Variants in DOCK4 observed in about 807,000 individuals in gnomAD.
DOCK4 encodes dedicator of cytokinesis protein 4.
A neutral mutation model predicts 268.1 loss-of-function variants in DOCK4; 97 were observed. The ratio of observed to expected loss-of-function variants is 0.36; its 90% CI spans 0.31 to 0.43. The LOEUF (loss-of-function observed/expected upper bound fraction) is 0.43. Ranked by LOEUF, DOCK4 falls within the 20% of genes least tolerant of loss-of-function variation. DOCK4 has a pLI of 1.00. For synonymous variants in DOCK4, 954 were observed against 887.2 expected, an observed-to-expected ratio of 1.08 and a Z score of -1.34; for missense variants, 2,145 against 2,455.7, an observed-to-expected ratio of 0.87 and a Z score of 2.67.
At chr7:111,847,739 A>G (rs1439679957) in intron 23 of DOCK4, among the ~76,000 whole-genome samples, 1 of 152,108 alleles carries the variant, frequency 6.6e-6, no homozygotes, top group Non-Finnish European at 1.5e-5. Context: ...TTCCGCCATG[A>G]TTGTGAGGCC....
intron 1 of DOCK4, among the ~76,000 whole-genome samples, chr7:112,070,657 G>A (rs991204539): frequency 6.6e-6 from 1 of 151,790 alleles, no homozygotes; most frequent in Non-Finnish European, 1.5e-5. Flanking sequence ...TTGTTTTGGT[G>A]ATAAAGTTTT....
intron 1 of DOCK4, among the ~76,000 whole-genome samples, chr7:112,180,875 C>T (rs1017513354): frequency 2.6e-5 from 4 of 152,150 alleles, no homozygotes; most frequent in African/African-American, 7.2e-5. Context: ...GTTGGTGACA[C>T]GGCAGTCATT....
chr7:112,160,752 T>C (rs764775439), intron 1 of DOCK4, among the ~76,000 whole-genome samples: 2 of 152,238 alleles, frequency 1.3e-5, no homozygotes, highest in East Asian at 1.9e-4. Flanking sequence ...TTTAGCTTTC[T>C]ATACACTTAT....
At chr7:111,872,768 G>A (rs1455151283) in intron 17 of DOCK4, among the ~76,000 whole-genome samples, 2 of 152,116 alleles carry the variant, frequency 1.3e-5, no homozygotes, top group Non-Finnish European at 2.9e-5. Context: ...CACTGCTCTT[G>A]ACTTACAAAC....
chr7:111,867,417 G>A (rs1434458740), intron 22 of DOCK4, among the ~76,000 whole-genome samples: 1 of 152,132 alleles, frequency 6.6e-6, no homozygotes, highest in Admixed American at 6.5e-5. Context: ...CATATTCAAG[G>A]CCATGCTATT....
chr7:112,021,785 C>A (rs139312752), intron 1 of DOCK4, among the ~76,000 whole-genome samples: 1 of 152,088 alleles, frequency 6.6e-6, no homozygotes, highest in Admixed American at 6.6e-5. Context: ...CACAACTATA[C>A]ACAAAAAGGA....
In DOCK4 at chr7:112,012,832, C is replaced by CT. The variant is rs960128052; in HGVS notation, c.38-8702dup. 1.1e-4 allele frequency among the ~76,000 whole-genome samples: 16 copies of CT among 150,708 alleles called. 1 individual carries two copies. The highest frequency in any genetic ancestry group is 9.7e-4 in the East Asian group (5 of 5,144). On this transcript the variant is annotated intron_variant, in intron 1 of 52. Transcript: ENST00000428084. ...AAAGAAATGTTATATCCCTCTGTTC[C>CT]TTTTTTTTTCTGATTTCTCTCTTTG...
chr7:111,767,225 A>ATTTTTTT (rs1797817275), intron 37 of DOCK4, 107 bp from the exon 38 acceptor site: 1 of 779,072 alleles, frequency 1.3e-6, no homozygotes, highest in African/African-American at 2.3e-5. Flanking sequence ...TTACTCCTTA[A>ATTTTTTT]TCTTTTTTTT....
intron 27 of DOCK4, chr7:111,819,654 G>A (rs1023209301): frequency 6.6e-6 from 1 of 152,176 alleles, no homozygotes; most frequent in Non-Finnish European, 1.5e-5. Flanking sequence ...AAAGTTAAAG[G>A]CATTTAATTT....
intron 1 of DOCK4, among the ~76,000 whole-genome samples, chr7:112,189,746 G>GTTTTTTTTTTTT (rs57399750): frequency 3.1e-5 from 3 of 95,776 alleles, no homozygotes; most frequent in Non-Finnish European, 5.7e-5. Flanking sequence ...TCTGGGTTTT[G>GTTTTTTTTTTTT]TTTTTTTTTT....
chr7:111,918,238 G>C lies in DOCK4; in HGVS notation c.1067-2334C>G, dbSNP rs886529755. On this transcript the variant is annotated intron_variant, in intron 12 of 52. Coordinates refer to ENST00000428084, the MANE Select transcript of DOCK4 (RefSeq NM_001363540.2). ...ATCGTGTCCTCACACTTTCCGGTTT[G>C]TGTACCAACAGAATGTCTCCAAGAG... Among the ~76,000 whole-genome samples the C allele has an allele frequency of 5.5e-4, 83 of 152,200 alleles. 1 individual carries two copies. Among genetic ancestry groups the C allele is most frequent in the Admixed American group, 2.8e-3 (43 of 15,280 alleles).
chr7:111,832,693 A>G (rs769840914), intron 26 of DOCK4, among the ~76,000 whole-genome samples: 2 of 152,030 alleles, frequency 1.3e-5, no homozygotes, highest in African/African-American at 4.8e-5. Flanking sequence ...ATGCCCAGCT[A>G]ATTTTTGTAT....
chr7:111,867,362 G>T (rs1377636184), intron 22 of DOCK4, among the ~76,000 whole-genome samples: 1 of 152,054 alleles, frequency 6.6e-6, no homozygotes, highest in Non-Finnish European at 1.5e-5. Context: ...TATACAAGAA[G>T]AATCAAGAAA....
intron 23 of DOCK4, among the ~76,000 whole-genome samples, chr7:111,853,613 T>A (rs1416108104): frequency 6.6e-6 from 1 of 152,132 alleles, no homozygotes. Flanking sequence ...ATGCAGACAA[T>A]GTCAGGATCA....
chr7:112,152,334 T>A (rs537478805), intron 1 of DOCK4, among the ~76,000 whole-genome samples: 1 of 152,304 alleles, frequency 6.6e-6, no homozygotes, highest in African/African-American at 2.4e-5. Context: ...AGACTTAATA[T>A]TCTTGATTTA....
At chr7:111,859,728 C>A (rs1278829715) in intron 23 of DOCK4, among the ~76,000 whole-genome samples, 1 of 151,524 alleles carries the variant, frequency 6.6e-6, no homozygotes, top group East Asian at 1.9e-4. Flanking sequence ...CCACTACGCC[C>A]GGCTAATTTT....
At position 112,206,379 on chromosome 7, in the gene DOCK4, G is replaced by A. The variant is rs938164423; in HGVS notation, c.-241C>T. 1 of 584,106 alleles carries A rather than the reference G, an allele frequency of 1.7e-6. No homozygotes were observed. Among genetic ancestry groups the A allele is most frequent in the Non-Finnish European group, 3.0e-6 (1 of 331,624 alleles). The allele number at this position is 584,106 out of a possible 1,614,324, so 36.2% of individuals were successfully genotyped here. Reference sequence around the variant, plus strand: ...CCGACGCGCTCCCGGGTACCCGGCGGCGCAGTCATTGTTCTGATTCACTGA... The same window carrying A: ...CCGACGCGCTCCCGGGTACCCGGCGACGCAGTCATTGTTCTGATTCACTGA... On this transcript the variant is annotated 5_prime_UTR_variant, in exon 1 of 53. Coordinates refer to ENST00000428084, the MANE Select transcript of DOCK4 (RefSeq NM_001363540.2).
chr7:111,777,308 AT>A (rs1200380085), intron 36 of DOCK4, among the ~76,000 whole-genome samples: 1 of 152,220 alleles, frequency 6.6e-6, no homozygotes, highest in East Asian at 1.9e-4. Context: ...AACTTAGAAG[AT>A]TCTTCACCAC....
chr7:112,154,720 C>T (rs1300405873), intron 1 of DOCK4, among the ~76,000 whole-genome samples: 3 of 152,194 alleles, frequency 2.0e-5, no homozygotes, highest in African/African-American at 7.2e-5. Context: ...AGGGAAGACA[C>T]TTCATGCAGC....
Sources: gnomAD v4.1 joint callset for allele counts (sites outside exome capture counted in the v4.1 genomes callset) on GRCh38, gnomAD v4.1.1 for gene constraint, MANE v1.5 for transcripts, NCBI Gene and HGNC (gene_info 2026-07-23, HGNC 2026-07-21) for gene names.